GALNT8: variants seen among roughly 807,000 people sequenced by gnomAD.
GALNT8 encodes the protein polypeptide N-acetylgalactosaminyltransferase 8.
In GALNT8, 66 loss-of-function variants were observed where a neutral mutation model predicts 62.7. The ratio of observed to expected loss-of-function variants is 1.05; its 90% confidence interval spans 0.86 to 1.29. The LOEUF is 1.29. Ranked by LOEUF, GALNT8 falls within the 50% of genes most tolerant of loss-of-function variation. The pLI is 0.00. For synonymous variants in GALNT8, 288 were observed against 294.3 expected (o/e 0.98, Z 0.22); for missense variants, 771 against 791.8 (o/e 0.97, Z 0.32).
At chr12:4,729,990 T>C (rs60787215) in intron 2 of GALNT8, among the ~76,000 whole-genome samples, 3,889 of 152,292 alleles carry the variant, frequency 0.026, 187 homozygotes, top group African/African-American at 0.088. Context: ...TATGGAACAT[T>C]TTTTTCATAA....
chr12:4,761,188 G>A, intron 7 of GALNT8, 45 bp downstream of exon 7: 1 of 1,554,536 alleles, frequency 6.4e-7, no homozygotes. Flanking sequence ...TGAAAGAGGA[G>A]GAGGTGGCGG....
At chr12:4,731,819 C>T (rs1473861352) in intron 2 of GALNT8, among the ~76,000 whole-genome samples, 5 of 152,148 alleles carry the variant, frequency 3.3e-5, no homozygotes, top group African/African-American at 1.2e-4. Flanking sequence ...ATCTTTGCAT[C>T]GCATCCCTGA....
intron 3 of GALNT8, among the ~76,000 whole-genome samples, chr12:4,742,857 G>T (rs910433589): frequency 6.6e-6 from 1 of 152,160 alleles, no homozygotes; most frequent in Non-Finnish European, 1.5e-5. Flanking sequence ...GCAAAGCTGG[G>T]AAGGGAGCAT....
chr12:4,725,368 C>T (rs1232162734), intron 1 of GALNT8, among the ~76,000 whole-genome samples: 1 of 152,046 alleles, frequency 6.6e-6, no homozygotes, highest in Non-Finnish European at 1.5e-5. Context: ...ACATCCTCTG[C>T]CTGGGTCTAT....
rs756787333 is a variant in GALNT8 at position 4,765,558 on chromosome 12, GTT to G, written c.1761+16_1761+17del. On this transcript the variant is annotated intron_variant, in intron 10 of 10. Coordinates refer to ENST00000252318, the MANE Select transcript of GALNT8 (RefSeq NM_017417.2). ...GGGATTTTAAACCGGTGAGTTATGT[GTT>G]TTTGTTTGTTGGTTTGTTTGTTTTG... 6.3e-6 allele frequency: 10 copies of G among 1,588,614 alleles called. No individual in the cohort carries two copies. In the South Asian group the frequency reaches 1.1e-4, roughly 18 times the overall value.
chr12:4,731,541 C>A (rs974704228), intron 2 of GALNT8, among the ~76,000 whole-genome samples: 1 of 152,078 alleles, frequency 6.6e-6, no homozygotes, highest in African/African-American at 2.4e-5. Flanking sequence ...AATGTGAGAG[C>A]GAGCATTCTT....
At chr12:4,738,551 C>T (rs180896502) in intron 2 of GALNT8, among the ~76,000 whole-genome samples, 58 of 152,020 alleles carry the variant, frequency 3.8e-4, no homozygotes, top group African/African-American at 1.2e-3. Flanking sequence ...AGAATGCTTA[C>T]AAAACTCAAT....
intron 6 of GALNT8, 62 bp from the exon 7 acceptor site, chr12:4,760,896 T>C: frequency 1.4e-6 from 2 of 1,397,352 alleles, no homozygotes; most frequent in South Asian, 1.2e-5. Flanking sequence ...TCTTCTTGTG[T>C]CAATAAGCTA....
At chr12:4,770,395 A>G (rs1345134918) in intron 10 of GALNT8, among the ~76,000 whole-genome samples, 1 of 152,074 alleles carries the variant, frequency 6.6e-6, no homozygotes, top group Non-Finnish European at 1.5e-5. Context: ...TTTGAAAGAA[A>G]CTAGAGGATG....
chr12:4,763,085 A>G (rs1196690376), intron 7 of GALNT8, among the ~76,000 whole-genome samples, 168 bp from the exon 8 acceptor site: 2 of 152,242 alleles, frequency 1.3e-5, no homozygotes, highest in Non-Finnish European at 2.9e-5. Flanking sequence ...TTACAGGTGC[A>G]TAGTCCTAAG....
intron 2 of GALNT8, among the ~76,000 whole-genome samples, chr12:4,730,584 G>A (rs867213522): frequency 1.6e-4 from 24 of 152,042 alleles, no homozygotes; most frequent in Middle Eastern, 3.2e-3. Context: ...TGTTTTTATG[G>A]CAGTATCATG....
At chr12:4,744,044 G>C (rs920834068) in intron 3 of GALNT8, among the ~76,000 whole-genome samples, 3 of 152,214 alleles carry the variant, frequency 2.0e-5, no homozygotes, top group Non-Finnish European at 4.4e-5. Flanking sequence ...TGTGCATTCT[G>C]TCCCAGTTGG....
At position 4,749,737 on chromosome 12, in the gene GALNT8, G is replaced by A. The variant is rs1230038500; in HGVS notation, c.1173+3479G>A. Among the ~76,000 whole-genome samples the A allele has an allele frequency of 2.6e-5, 4 of 151,842 alleles. No individual in the cohort carries two copies. Among genetic ancestry groups the A allele is most frequent in the South Asian group, 2.1e-4 (1 of 4,820 alleles). On this transcript the variant is annotated intron_variant, in intron 6 of 10. Coordinates refer to ENST00000252318, the MANE Select transcript of GALNT8 (RefSeq NM_017417.2). The surrounding 1 kb of genome is among the most constrained non-coding windows in gnomAD (Gnocchi z 4.1). ...TTTTGGAAAAATTTAAGTAGGATTG[G>A]TACTAGTTTTTCTTTAAATATTCGG...
intron 10 of GALNT8, among the ~76,000 whole-genome samples, chr12:4,770,377 GA>G (rs1946418329): frequency 6.6e-6 from 1 of 151,574 alleles, no homozygotes; most frequent in African/African-American, 2.4e-5. Context: ...AGATACAGAT[GA>G]ACACAATTTG....
At chr12:4,730,140 A>G (rs1308717334) in intron 2 of GALNT8, among the ~76,000 whole-genome samples, 1 of 151,968 alleles carries the variant, frequency 6.6e-6, no homozygotes, top group Non-Finnish European at 1.5e-5. Context: ...TGGTTTGCAA[A>G]TATTTCCTCT....
At chr12:4,745,123 C>G (rs1290943567) in intron 4 of GALNT8, among the ~76,000 whole-genome samples, 1 of 152,062 alleles carries the variant, frequency 6.6e-6, no homozygotes, top group Non-Finnish European at 1.5e-5. Context: ...AACGGAGAAC[C>G]AAGAGATAAC....
intron 6 of GALNT8, among the ~76,000 whole-genome samples, chr12:4,752,634 A>T (rs966037224): frequency 2.6e-5 from 4 of 151,098 alleles, no homozygotes; most frequent in African/African-American, 4.8e-5. Context: ...CTATGTCTTG[A>T]AAAGGTTTTG....
intron 2 of GALNT8, among the ~76,000 whole-genome samples, chr12:4,729,790 T>G (rs1188094568): frequency 6.6e-6 from 1 of 152,340 alleles, no homozygotes; most frequent in African/African-American, 2.4e-5. Flanking sequence ...TTTTAGTATT[T>G]GAGGAATCTC....
At chr12:4,769,539 G>A (rs1350930462) in intron 10 of GALNT8, among the ~76,000 whole-genome samples, 2 of 152,014 alleles carry the variant, frequency 1.3e-5, no homozygotes, top group East Asian at 3.9e-4. Flanking sequence ...CTCTTGAACT[G>A]AATATTATAT....
Sources: gnomAD v4.1 joint callset for allele counts (sites outside exome capture counted in the v4.1 genomes callset) on GRCh38, gnomAD v4.1.1 for gene constraint, Gnocchi (gnomAD v3.1) non-coding constraint, MANE v1.5 for transcripts, NCBI Gene and HGNC (gene_info 2026-07-23, HGNC 2026-07-21) for gene names.